Variants in FBXW8 observed in about 807,000 individuals in gnomAD.
The protein encoded by FBXW8 is F-box and WD repeat domain containing 8, also known as F-box/WD repeat-containing protein 8.
A neutral mutation model predicts 65.3 loss-of-function variants in FBXW8; 57 were observed. The ratio of observed to expected loss-of-function variants is 0.87; its 90% CI spans 0.71 to 1.09. The LOEUF (loss-of-function observed/expected upper bound fraction) is 1.09. Among genes scored for constraint, FBXW8 ranks in the 50% least tolerant of loss-of-function variants. FBXW8 has a pLI of 0.00. For synonymous variants in FBXW8, 308 were observed against 330.2 expected (o/e 0.93, Z 0.73); for missense variants, 777 against 814.8 (o/e 0.95, Z 0.57).
chr12:116,962,616 G>T (rs1222451609), intron 4 of FBXW8, among the ~76,000 whole-genome samples: 1 of 152,208 alleles, frequency 6.6e-6, no homozygotes, highest in Non-Finnish European at 1.5e-5. Flanking sequence ...TTTTCTGAAC[G>T]TGCCTTACTT....
At chr12:117,022,481 GTC>G (rs1291204808) in intron 8 of FBXW8, among the ~76,000 whole-genome samples, 1 of 151,714 alleles carries the variant, frequency 6.6e-6, no homozygotes, top group Non-Finnish European at 1.5e-5. Flanking sequence ...CAGCAAAACC[GTC>G]TCTACTGAAA....
chr12:116,943,710 C>G (rs573095289), intron 2 of FBXW8, among the ~76,000 whole-genome samples: 4 of 152,226 alleles, frequency 2.6e-5, no homozygotes, highest in Non-Finnish European at 5.9e-5. Flanking sequence ...TATACATTCA[C>G]GTGGCATTCC....
chr12:117,002,039 A>G (rs151256339), intron 7 of FBXW8, among the ~76,000 whole-genome samples: 1 of 151,908 alleles, frequency 6.6e-6, no homozygotes, highest in Admixed American at 6.5e-5. Context: ...ACCCGAGTGT[A>G]CTCTTGCTCT....
At chr12:116,938,052 C>A (rs1882286797) in intron 2 of FBXW8, among the ~76,000 whole-genome samples, 1 of 152,054 alleles carries the variant, frequency 6.6e-6, no homozygotes, top group African/African-American at 2.4e-5. Flanking sequence ...TTTCATAAAA[C>A]TTAAGGAATC....
chr12:117,027,636 G>C, intron 10 of FBXW8, 132 bp downstream of exon 10: 1 of 746,358 alleles, frequency 1.3e-6, no homozygotes, highest in Non-Finnish European at 2.3e-6. Context: ...TCTGCGAATT[G>C]GAAACATAAA....
chr12:116,933,048 G>C (rs936820305), intron 2 of FBXW8, among the ~76,000 whole-genome samples: 61 of 152,130 alleles, frequency 4.0e-4, no homozygotes, highest in African/African-American at 1.3e-3. Flanking sequence ...AGTGTAAACT[G>C]TGCTCAGAGC....
At chr12:116,929,061 C>T (rs886475815) in intron 2 of FBXW8, among the ~76,000 whole-genome samples, 1 of 152,308 alleles carries the variant, frequency 6.6e-6, no homozygotes, top group Admixed American at 6.5e-5. Flanking sequence ...CCGCCTTGGC[C>T]TCTCAAAGTG....
At chr12:116,940,271 A>G (rs1364266738) in intron 2 of FBXW8, among the ~76,000 whole-genome samples, 1 of 150,390 alleles carries the variant, frequency 6.6e-6, no homozygotes, top group African/African-American at 2.5e-5. Context: ...TTTTTTTTAA[A>G]TAATTAAGAC....
intron 7 of FBXW8, among the ~76,000 whole-genome samples, chr12:117,000,296 C>T (rs1291007918): frequency 6.6e-6 from 1 of 152,178 alleles, no homozygotes; most frequent in Non-Finnish European, 1.5e-5. Context: ...ATTTTCATAC[C>T]GGCACCGCCC....
At chr12:116,911,887 AAAGG>A (rs1439609875) in intron 1 of FBXW8, among the ~76,000 whole-genome samples, 6 of 152,304 alleles carry the variant, frequency 3.9e-5, no homozygotes, top group Middle Eastern at 3.4e-3. Context: ...TCTCAGAAAA[AAAGG>A]AAGAAGAGGA....
chr12:117,025,466 T>C (rs1205835967), intron 9 of FBXW8, among the ~76,000 whole-genome samples: 1 of 152,226 alleles, frequency 6.6e-6, no homozygotes, highest in Non-Finnish European at 1.5e-5. Flanking sequence ...AACCGACCTC[T>C]GAGAACACAA....
intron 5 of FBXW8, among the ~76,000 whole-genome samples, chr12:116,977,029 G>A (rs1431677592): frequency 2.0e-4 from 31 of 152,248 alleles, no homozygotes; most frequent in Non-Finnish European, 2.9e-5. Context: ...CCCAGACATC[G>A]GGGCCTTGTG....
intron 7 of FBXW8, among the ~76,000 whole-genome samples, chr12:117,001,448 A>G (rs1344934463): frequency 6.6e-6 from 1 of 152,228 alleles, no homozygotes; most frequent in East Asian, 1.9e-4. Context: ...CTAGTGTAAT[A>G]TACTGAATTT....
chr12:117,019,971 C>G (rs141905235), intron 8 of FBXW8, among the ~76,000 whole-genome samples: 169 of 152,290 alleles, frequency 1.1e-3, no homozygotes, highest in African/African-American at 3.7e-3. Context: ...GCGAAGCGCA[C>G]CCCTCTTCCC....
At chr12:117,017,586 T>G (rs1375521166) in intron 8 of FBXW8, among the ~76,000 whole-genome samples, 2 of 152,214 alleles carry the variant, frequency 1.3e-5, no homozygotes, top group East Asian at 3.8e-4. Context: ...AAAATCCTCT[T>G]TAATATTTAA....
At chr12:117,027,289 T>A in intron 9 of FBXW8, 105 bp from the exon 10 acceptor site, 1 of 836,560 alleles carries the variant, frequency 1.2e-6, no homozygotes, top group Non-Finnish European at 2.0e-6. Context: ...GAAGCTTAGC[T>A]TTATGGGTTC....
At chr12:116,998,747 A>G (rs1343301684) in intron 7 of FBXW8, among the ~76,000 whole-genome samples, 1 of 152,230 alleles carries the variant, frequency 6.6e-6, no homozygotes, top group African/African-American at 2.4e-5. Flanking sequence ...CGAAAACACT[A>G]GTGCTGCAGA....
chr12:116,953,690 G>A (rs1262245949), intron 4 of FBXW8, among the ~76,000 whole-genome samples: 6 of 151,236 alleles, frequency 4.0e-5, no homozygotes, highest in Non-Finnish European at 7.4e-5. Flanking sequence ...GGAGAATGGC[G>A]TGAACCCAGG....
chr12:116,939,471 C>T lies in FBXW8; in HGVS notation c.424-5893C>T, dbSNP rs1219112654. On this transcript the variant is annotated intron_variant, in intron 2 of 10. Coordinates refer to ENST00000652555, the MANE Select transcript of FBXW8 (RefSeq NM_153348.3). ...GCAGTGTTTCCTAAGCTCATTTGAG[C>T]GTGGAATCCTTTTCTAAGGAACTTA... Among the ~76,000 whole-genome samples, 7 of 152,292 alleles carry T rather than the reference C, an allele frequency of 4.6e-5. No individual in the cohort carries two copies. The East Asian group carries it at 5.8e-4, about 13-fold the overall frequency.
Sources: gnomAD v4.1 joint callset for allele counts (sites outside exome capture counted in the v4.1 genomes callset) on GRCh38, gnomAD v4.1.1 for gene constraint, MANE v1.5 for transcripts, NCBI Gene and HGNC (gene_info 2026-07-23, HGNC 2026-07-21) for gene names.